Variants in ZBTB44 observed in about 807,000 individuals in gnomAD.
ZBTB44 encodes the protein zinc finger and BTB domain-containing protein 44.
ZBTB44 carries 15 observed loss-of-function variants against 54.0 expected under a neutral mutation model. That is an observed-to-expected ratio of 0.28 (90% confidence interval 0.19 to 0.43). The LOEUF (loss-of-function observed/expected upper bound fraction) is 0.43, where lower values mean the gene tolerates loss of function less well. Ranked by LOEUF, ZBTB44 falls within the 20% of genes least tolerant of loss-of-function variation. ZBTB44 has a pLI of 1.00. For missense variants in ZBTB44, 487 were observed against 707.1 expected (o/e 0.69, Z 3.53); for synonymous variants, 230 against 250.1 (o/e 0.92, Z 0.76).
At chr11:130,268,417 C>T (rs371810641) in intron 1 of ZBTB44, among the ~76,000 whole-genome samples, 15 of 152,128 alleles carry the variant, frequency 9.9e-5, no homozygotes, top group East Asian at 3.9e-4. Flanking sequence ...GCTGAAAGCT[C>T]AGATAATTGC....
intron 1 of ZBTB44, among the ~76,000 whole-genome samples, chr11:130,312,356 T>G (rs913616993): frequency 1.2e-4 from 19 of 152,210 alleles, no homozygotes; most frequent in Admixed American, 1.2e-3. Flanking sequence ...ATGGTTACAT[T>G]TAGCATCATT....
At chr11:130,294,633 T>A (rs1356446789) in intron 1 of ZBTB44, among the ~76,000 whole-genome samples, 1 of 151,918 alleles carries the variant, frequency 6.6e-6, no homozygotes, top group Non-Finnish European at 1.5e-5. Context: ...TTTAACCCAT[T>A]TATGCCAGAG....
intron 1 of ZBTB44, among the ~76,000 whole-genome samples, chr11:130,307,425 A>AAC (rs1491205637): frequency 1.8e-4 from 1 of 5,634 alleles, no homozygotes; most frequent in Non-Finnish European, 6.6e-4. Context: ...ACTCTGTCTC[A>AAC]AAAAAAAAAA....
At chr11:130,296,961 G>GGATTTGACTACCAGAAAATCAAGAAA (rs1444281705) in intron 1 of ZBTB44, 3 of 743,720 alleles carry the variant, frequency 4.0e-6, no homozygotes, top group Non-Finnish European at 7.4e-6. Context: ...AGGTGGTGGT[G>GGATTTGACTACCAGAAAATCAAGAAA]GATTTGACTA....
intron 1 of ZBTB44, among the ~76,000 whole-genome samples, chr11:130,265,979 AACAGCAGGTTTTCAATACAGACAAC>A (rs1939221224): frequency 6.6e-6 from 1 of 152,242 alleles, no homozygotes; most frequent in South Asian, 2.1e-4. Context: ...GGCTACACTA[AACAGCAGGTTTTCAATACAGACAAC>A]ACAGCCTTAC....
chr11:130,285,734 G>A (rs891232220), intron 1 of ZBTB44: 8 of 235,802 alleles, frequency 3.4e-5, no homozygotes, highest in South Asian at 2.1e-4. Context: ...CTCTGGAATA[G>A]AGTAGTATTT....
At chr11:130,286,514 T>C (rs1940974658) in intron 1 of ZBTB44, among the ~76,000 whole-genome samples, 1 of 152,250 alleles carries the variant, frequency 6.6e-6, no homozygotes, top group East Asian at 1.9e-4. Flanking sequence ...GTGGTATCCC[T>C]GTCCCTTTGA....
intron 1 of ZBTB44, among the ~76,000 whole-genome samples, chr11:130,299,791 C>A (rs1357405789): frequency 1.3e-5 from 2 of 152,154 alleles, no homozygotes; most frequent in African/African-American, 4.8e-5. Flanking sequence ...ACCATATGAT[C>A]CAGCAATTCC....
intron 2 of ZBTB44, among the ~76,000 whole-genome samples, chr11:130,245,851 G>A (rs12364607): frequency 0.048 from 7,341 of 152,286 alleles, 257 homozygotes; most frequent in Non-Finnish European, 0.08. Flanking sequence ...TTCTAGTACC[G>A]TCAAAGGTTT....
chr11:130,263,116 GACTGT>G (rs1938998900), intron 1 of ZBTB44, among the ~76,000 whole-genome samples: 2 of 152,206 alleles, frequency 1.3e-5, no homozygotes, highest in African/African-American at 4.8e-5. Flanking sequence ...ATCAATTTGA[GACTGT>G]TCCATGTCAG....
chr11:130,295,642 T>C, intron 1 of ZBTB44: 1 of 961,712 alleles, frequency 1.0e-6, no homozygotes, highest in Non-Finnish European at 1.6e-6. Context: ...AAAAAAAAAA[T>C]GGGTTTTACC....
At chr11:130,257,316 G>A (rs552602508) in intron 2 of ZBTB44, among the ~76,000 whole-genome samples, 2 of 152,068 alleles carry the variant, frequency 1.3e-5, no homozygotes, top group East Asian at 3.9e-4. Context: ...TGGAAATAGG[G>A]TCTTAGCAGA....
intron 1 of ZBTB44, among the ~76,000 whole-genome samples, chr11:130,283,443 C>A (rs1940689085): frequency 6.6e-6 from 1 of 152,070 alleles, no homozygotes; most frequent in Non-Finnish European, 1.5e-5. Flanking sequence ...ATCAGCAAGG[C>A]CAGATTTTTA....
Position 130,261,426 on chromosome 11 carries a change from T to C in ZBTB44, c.448A>G (p.Asn150Asp), listed in dbSNP as rs1938858337. ...CCATCTCGAGAAGTAAAATTGCAGT[T>C]AGAATTATTTTCTTGTCCAGCATCT... ...GLDAGQENNSNCNFTSRDGSI... is the reference protein window; with the variant it reads ...GLDAGQENNSDCNFTSRDGSI... Residue 150 changes from asparagine to aspartate, a missense_variant, in exon 2 of 8, where the codon AAC becomes GAC. Physicochemically the swap from Asn to Asp is conservative, Grantham distance 23. Transcript: ENST00000357899. This position sits in a 1 kb window ranked among gnomAD's most constrained non-coding sequence, Gnocchi z 4.8. The C allele has an allele frequency of 6.2e-7, 1 of 1,614,004 alleles. No homozygotes were observed. Among genetic ancestry groups the C allele is most frequent in the Admixed American group, 1.7e-5 (1 of 60,012 alleles).
rs1189306993 is a variant in ZBTB44, at chr11:130,268,222, T to TAAAAAAAA, written c.-56-6301_-56-6294dup. Among the ~76,000 whole-genome samples the TAAAAAAAA allele has an allele frequency of 1.5e-3, 192 of 128,936 alleles. 4 individuals carry two copies. In the South Asian group the frequency reaches 0.035, roughly 23 times the overall value. 84.6% of individuals were successfully genotyped at this position (128,936 alleles called of 152,430 possible). On this transcript the variant is annotated intron_variant, in intron 1 of 7. Transcript: ENST00000357899. ...AATGGAGTGAGACCCACGTCTAATT[T>TAAAAAAAA]AAAAAAAAAAAAAAGCGGGGGGTGG...
chr11:130,250,911 C>T (rs765371579), intron 2 of ZBTB44, among the ~76,000 whole-genome samples: 22 of 152,138 alleles, frequency 1.4e-4, no homozygotes, highest in African/African-American at 2.2e-4. Flanking sequence ...TCCTCTCCAG[C>T]GAGGGCACAA....
chr11:130,301,818 T>C (rs549121374), intron 1 of ZBTB44, among the ~76,000 whole-genome samples: 4 of 151,970 alleles, frequency 2.6e-5, no homozygotes, highest in South Asian at 2.1e-4. Context: ...AGAGGCTGAG[T>C]TGGGCAGGCT....
chr11:130,308,883 C>G (rs891508236), intron 1 of ZBTB44, among the ~76,000 whole-genome samples: 4 of 152,146 alleles, frequency 2.6e-5, no homozygotes, highest in Non-Finnish European at 5.9e-5. Flanking sequence ...TTGTGGAGTC[C>G]TAGTAAGGGA....
intron 1 of ZBTB44, among the ~76,000 whole-genome samples, chr11:130,299,636 G>C (rs1292342306): frequency 6.7e-6 from 1 of 149,110 alleles, no homozygotes; most frequent in East Asian, 2.0e-4. Flanking sequence ...TAATGTAATA[G>C]TAAAAAAAAA....
Sources: gnomAD v4.1 joint callset for allele counts (sites outside exome capture counted in the v4.1 genomes callset) on GRCh38, gnomAD v4.1.1 for gene constraint, Gnocchi (gnomAD v3.1) non-coding constraint, MANE v1.5 for transcripts, NCBI Gene and HGNC (gene_info 2026-07-23, HGNC 2026-07-21) for gene names.